The following BOD1L1 variants were observed in gnomAD, a reference collection of about 807,000 sequenced individuals.
The protein encoded by BOD1L1 is biorientation of chromosomes in cell division protein 1-like 1.
Under a neutral mutation model 240.7 loss-of-function variants are expected in BOD1L1, and 86 were observed. The observed-to-expected ratio is 0.36, with a 90% CI of 0.30 to 0.43. BOD1L1 has a LOEUF of 0.43. BOD1L1 is among the 20% of genes least tolerant of loss of function. The pLI is 1.00. For synonymous variants in BOD1L1, 1,268 were observed against 1,272.3 expected, an observed-to-expected ratio of 1.00 and a Z score of 0.07; for missense variants, 3,554 against 3,643.5, an observed-to-expected ratio of 0.98 and a Z score of 0.63.
intron 1 of BOD1L1, chr4:13,623,802 G>A (rs1717201322): frequency 6.6e-6 from 1 of 152,144 alleles, no homozygotes; most frequent in Admixed American, 6.5e-5. Context: ...GCATGTGACA[G>A]ACATAATCCA....
In BOD1L1 at chr4:13,613,090, C is replaced by T. The variant is rs1362730959; in HGVS notation, c.1324+422G>A. On this transcript the variant is annotated intron_variant, in intron 5 of 25. Coordinates refer to ENST00000040738, the MANE Select transcript of BOD1L1 (RefSeq NM_148894.3). The surrounding 1 kb of genome is among the most constrained non-coding windows in gnomAD (Gnocchi z 4.0). Reference sequence around the variant, plus strand: ...ACAACCATAGCTGTGAGTATACCACCTTTCGGTAAGTTCTATGAGCCCTTT... The same window carrying T: ...ACAACCATAGCTGTGAGTATACCACTTTTCGGTAAGTTCTATGAGCCCTTT... Among the ~76,000 whole-genome samples, 2 of 152,144 alleles carry T rather than the reference C, an allele frequency of 1.3e-5. No individual in the cohort carries two copies. Among genetic ancestry groups the T allele is most frequent in the Non-Finnish European group, 2.9e-5 (2 of 68,034 alleles).
chr4:13,571,176 T>A (rs1343897358), intron 25 of BOD1L1, among the ~76,000 whole-genome samples: 3 of 152,190 alleles, frequency 2.0e-5, no homozygotes, highest in Non-Finnish European at 4.4e-5. Flanking sequence ...TTAGACACGA[T>A]GATTCTCTAG....
chr4:13,591,209 C>T (rs901282500), intron 13 of BOD1L1, among the ~76,000 whole-genome samples: 9 of 152,216 alleles, frequency 5.9e-5, no homozygotes, highest in African/African-American at 2.2e-4. Context: ...CAGCCATAAT[C>T]TTTTTAACTC....
In BOD1L1 at chr4:13,581,904, C is replaced by T. The variant is rs75220361; in HGVS notation, c.8592+333G>A. 8.9e-3 allele frequency among the ~76,000 whole-genome samples: 1,349 copies of T among 152,290 alleles called. 15 individuals carry two copies. Among genetic ancestry groups the T allele is most frequent in the African/African-American group, 0.029 (1,200 of 41,568 alleles). ...CTGGACTCCATGGCTCAGACAGCCTCCTGTTTGCTGCCATGTGCCTGGCCT... is the reference window on the plus strand; with the variant it reads ...CTGGACTCCATGGCTCAGACAGCCTTCTGTTTGCTGCCATGTGCCTGGCCT... On this transcript the variant is annotated intron_variant, in intron 19 of 25. Coordinates refer to ENST00000040738, the MANE Select transcript of BOD1L1 (RefSeq NM_148894.3).
Position 13,599,684 on chromosome 4 carries a change from C to G in BOD1L1, c.7216G>C (p.Glu2406Gln). ...PGPVLAVSTEEGHNGPSVHKP... is the reference protein window; with the variant it reads ...PGPVLAVSTEQGHNGPSVHKP... ...TGGACTGATGGCCCGTTGTGCCCCT[C>G]CTCGGTGCTCACTGCCAACACGGGA... is the stretch of plus-strand genomic sequence containing the variant. Residue 2406 changes from glutamate (E) to glutamine (Q), a missense_variant, in exon 10 of 26, where the codon GAG (glutamate) becomes CAG (glutamine). Physicochemically the swap from Glu to Gln is conservative, Grantham distance 29. This residue lies in a region of BOD1L1 where 3,393 missense variants were observed against 3,427.1 expected (regional missense o/e 0.99). Transcript: ENST00000040738. The G allele has an allele frequency of 6.2e-7, 1 of 1,613,934 alleles. No individual in the cohort carries two copies. Among genetic ancestry groups the G allele is most frequent in the Non-Finnish European group, 8.5e-7 (1 of 1,179,898 alleles).
At position 13,600,827 on chromosome 4, in the gene BOD1L1, A is replaced by G. The variant is rs771975058; in HGVS notation, c.6073T>C (p.Ser2025Pro). 2 of 1,613,770 alleles carry G rather than the reference A, an allele frequency of 1.2e-6. No homozygotes were observed. Among genetic ancestry groups the G allele is most frequent in the South Asian group, 2.2e-5 (2 of 91,040 alleles). Residue 2025 changes from serine (S) to proline (P), a missense_variant, in exon 10 of 26, where the codon TCA becomes CCA. By Grantham distance (74) the Ser-to-Pro change is moderately conservative. Transcript: ENST00000040738. Reference sequence around the variant, plus strand: ...TCCTCATCTTCTTTTTCACTTGGTGATGTGTGAGCAACTTCACATTCTGGG... The same window carrying G: ...TCCTCATCTTCTTTTTCACTTGGTGGTGTGTGAGCAACTTCACATTCTGGG... ...EVPECEVAHTSPSEKEDEDII... is the reference protein window; with the variant it reads ...EVPECEVAHTPPSEKEDEDII...
Position 13,599,300 on chromosome 4 carries a change from T to C in BOD1L1, c.7600A>G (p.Ile2534Val), listed in dbSNP as rs529471933. 32 of 1,613,842 alleles carry C rather than the reference T, an allele frequency of 2.0e-5. No homozygotes were observed. The South Asian group carries it at 2.7e-4, about 14-fold the overall frequency. The part of the protein sequence containing the change: ...RYLAAVNTGA[I>V]KADDMPPVQG... ...ACAGGTGGCATGTCATCAGCTTTTA[T>C]AGCACCGGTGTTTACTGCTGCCAAA... Residue 2534 changes from isoleucine to valine, a missense_variant, in exon 10 of 26, where the codon ATA (isoleucine) becomes GTA (valine). Physicochemically the swap from Ile to Val is conservative, Grantham distance 29. Coordinates refer to ENST00000040738, the MANE Select transcript of BOD1L1 (RefSeq NM_148894.3).
intron 10 of BOD1L1, among the ~76,000 whole-genome samples, chr4:13,598,517 TTC>T (rs1714799511): frequency 6.6e-6 from 1 of 152,198 alleles, no homozygotes; most frequent in African/African-American, 2.4e-5. Context: ...TATTTAAATT[TTC>T]TGACCCTATT....
chr4:13,609,163 C>A, intron 7 of BOD1L1, 132 bp downstream of exon 7: 4 of 510,990 alleles, frequency 7.8e-6, no homozygotes, highest in Non-Finnish European at 1.2e-5. Flanking sequence ...GAGATTAAAA[C>A]GTAAGGAAAT....
intron 13 of BOD1L1, among the ~76,000 whole-genome samples, chr4:13,590,907 C>T (rs1714151277): frequency 6.6e-6 from 1 of 152,048 alleles, no homozygotes; most frequent in African/African-American, 2.4e-5. Context: ...GTCCTAGCTA[C>T]AGACTTTTGC....
chr4:13,600,612 T>A lies in BOD1L1; in HGVS notation c.6288A>T (p.Ser2096=). 1 of 1,613,878 alleles carries A rather than the reference T, an allele frequency of 6.2e-7. No individual in the cohort carries two copies. ...SAITDVEGGL[S]DALRTEENME... The stretch of plus-strand genomic sequence containing the variant: ...TATTTTCTTCAGTTCTCAGAGCATC[T>A]GAGAGACCTCCTTCCACATCTGTAA... The change falls in exon 10 of 26, where the codon TCA becomes TCT. Residue 2096 remains serine, a synonymous_variant. Coordinates refer to ENST00000040738, the MANE Select transcript of BOD1L1 (RefSeq NM_148894.3).
In BOD1L1 at chr4:13,602,643, C is replaced by G. The variant is rs149862914; in HGVS notation, c.4257G>C (p.Glu1419Asp). ...CTTTAATTGTCTGCTTTAAATTGGG[C>G]TCTGCATTTAAGTCATTTTCTTTCT... ...MAKKENDLNAEPNLKQTIKAT... is the reference protein window; with the variant it reads ...MAKKENDLNADPNLKQTIKAT... Residue 1419 changes from glutamate to aspartate, a missense_variant, in exon 10 of 26, where the codon GAG becomes GAC. Coordinates refer to ENST00000040738, the MANE Select transcript of BOD1L1 (RefSeq NM_148894.3). 67 of 1,614,026 alleles carry G rather than the reference C, an allele frequency of 4.2e-5. No homozygotes were observed. The African/African-American group carries it at 8.8e-4, about 21-fold the overall frequency.
rs1364136660 is a variant in BOD1L1 at position 13,627,560 on chromosome 4, G to A, written c.28C>T (p.Pro10Ser). MATNPQPQP[P>S]PPAPPPPPPQ... ...GGGGGAGGCGGCGGCGCCGGAGGAGGCGGCTGCGGCTGTGGGTTGGTGGCC... is the reference window on the plus strand; with the variant it reads ...GGGGGAGGCGGCGGCGCCGGAGGAGACGGCTGCGGCTGTGGGTTGGTGGCC... The change falls in exon 1 of 26, where the codon CCT becomes TCT. Residue 10 changes from proline to serine, a missense_variant. Coordinates refer to ENST00000040738, the MANE Select transcript of BOD1L1 (RefSeq NM_148894.3). 7.0e-6 allele frequency: 8 copies of A among 1,137,988 alleles called. No homozygotes were observed. The highest frequency in any genetic ancestry group is 8.6e-6 in the Non-Finnish European group (8 of 927,616). The allele number at this position is 1,137,988 out of a possible 1,614,324, so 70.5% of individuals were successfully genotyped here. A position where few individuals can be genotyped will look rare whatever the true frequency, so the allele number is the denominator to read the frequency against.
intron 16 of BOD1L1, among the ~76,000 whole-genome samples, chr4:13,587,245 T>A (rs1713776846): frequency 6.6e-6 from 1 of 152,208 alleles, no homozygotes; most frequent in Non-Finnish European, 1.5e-5. Flanking sequence ...AGCTTCTGTA[T>A]TAGACAAAAT....
chr4:13,617,608 C>T (rs1716714659), intron 2 of BOD1L1, among the ~76,000 whole-genome samples: 1 of 152,178 alleles, frequency 6.6e-6, no homozygotes, highest in East Asian at 1.9e-4. Flanking sequence ...GTTCGTTATT[C>T]AGTTACCTAG....
intron 17 of BOD1L1, among the ~76,000 whole-genome samples, chr4:13,583,939 G>T (rs1178752880): frequency 6.6e-6 from 1 of 152,186 alleles, no homozygotes. Flanking sequence ...CAAGTCCTCT[G>T]TGTTGTGGGA....
In BOD1L1 at chr4:13,575,878, T is replaced by A. The variant is rs148177856; in HGVS notation, c.9038+960A>T. 4.5e-3 allele frequency among the ~76,000 whole-genome samples: 676 copies of A among 151,290 alleles called. 6 individuals carry two copies. Among genetic ancestry groups the A allele is most frequent in the African/African-American group, 0.016 (640 of 41,250 alleles). ...CAAAGTTCAACAGGCTTCTTTCCTTTAGGAGTTTGCCAAACCCTTTTTTTT... is the reference window on the plus strand; with the variant it reads ...CAAAGTTCAACAGGCTTCTTTCCTTAAGGAGTTTGCCAAACCCTTTTTTTT... On this transcript the variant is annotated intron_variant, in intron 25 of 25. Transcript: ENST00000040738.
intron 12 of BOD1L1, among the ~76,000 whole-genome samples, chr4:13,594,728 C>T (rs987921068): frequency 4.6e-5 from 7 of 152,098 alleles, no homozygotes; most frequent in African/African-American, 1.2e-4. Context: ...AACCCCATCT[C>T]TACTAAAAAT....
chr4:13,614,138 C>G, intron 4 of BOD1L1, 58 bp downstream of exon 4: 2 of 1,383,596 alleles, frequency 1.4e-6, no homozygotes, highest in Non-Finnish European at 1.9e-6. Flanking sequence ...TGATACTTCC[C>G]TGATCCCAAA....
Sources: allele counts gnomAD v4.1 joint callset (sites outside exome capture counted in the v4.1 genomes callset), GRCh38; gene constraint gnomAD v4.1.1; regional missense constraint gnomAD v4.1.1; non-coding constraint Gnocchi (gnomAD v3.1); transcripts MANE v1.5; gene names NCBI Gene and HGNC (gene_info 2026-07-23, HGNC 2026-07-21).